Variants in JAK2 observed in about 807,000 individuals in gnomAD.
JAK2 encodes tyrosine-protein kinase JAK2.
JAK2 carries 86 observed loss-of-function variants against 139.3 expected under a neutral mutation model. That is an observed-to-expected ratio of 0.62 (90% CI 0.52 to 0.74). The LOEUF (loss-of-function observed/expected upper bound fraction) is 0.74. Ranked by LOEUF, JAK2 falls within the 30% of genes least tolerant of loss-of-function variation. JAK2 has a pLI of 0.00. For missense variants in JAK2, 1,421 were observed against 1,360.3 expected, an observed-to-expected ratio of 1.04 and a Z score of -0.70; for synonymous variants, 490 against 437.7, an observed-to-expected ratio of 1.12 and a Z score of -1.49.
At chr9:5,044,706 T>A (rs1191880457) in intron 5 of JAK2, among the ~76,000 whole-genome samples, 186 bp downstream of exon 5, 1 of 151,702 alleles carries the variant, frequency 6.6e-6, no homozygotes, top group African/African-American at 2.4e-5. Context: ...TTATGGATAA[T>A]AGAATCTATT....
intron 19 of JAK2, among the ~76,000 whole-genome samples, chr9:5,089,182 A>C (rs1481361396): frequency 1.3e-5 from 2 of 152,202 alleles, no homozygotes; most frequent in African/African-American, 4.8e-5. Flanking sequence ...TTACAGATTT[A>C]CTACCCACCT....
intron 2 of JAK2, among the ~76,000 whole-genome samples, chr9:4,998,463 G>T (rs538352481): frequency 4.5e-4 from 68 of 152,112 alleles, no homozygotes; most frequent in African/African-American, 1.4e-3. Flanking sequence ...CACCATGTTG[G>T]TCAGGCTGGT....
At chr9:5,103,699 G>C (rs1368724560) in intron 22 of JAK2, among the ~76,000 whole-genome samples, 1 of 152,080 alleles carries the variant, frequency 6.6e-6, no homozygotes, top group Non-Finnish European at 1.5e-5. Flanking sequence ...TAAAAGAACA[G>C]ATATCACAAC....
intron 22 of JAK2, among the ~76,000 whole-genome samples, chr9:5,103,066 G>A (rs1037389965): frequency 6.6e-6 from 1 of 151,508 alleles, no homozygotes; most frequent in Admixed American, 6.6e-5. Context: ...AATGTAAATG[G>A]GATGAATGCC....
At position 5,054,987 on chromosome 9, in the gene JAK2, A is replaced by G; in HGVS notation, c.936+103A>G. ...TGCAACATGGTATTGCACTTCTCCC[A>G]TTTGATAGAAGTGGAAGTTTTTAAT... is the stretch of plus-strand genomic sequence containing the variant. On this transcript the variant is annotated intron_variant, in intron 7 of 24. Transcript: ENST00000381652. This position sits in a 1 kb window ranked among gnomAD's most constrained non-coding sequence, Gnocchi z 4.9. The G allele has an allele frequency of 1.2e-6, 1 of 811,986 alleles. No homozygotes were observed. The highest frequency in any genetic ancestry group is 1.7e-5 in the African/African-American group (1 of 57,764). 50.3% of individuals were successfully genotyped at this position (811,986 alleles called of 1,614,324 possible).
At chr9:5,037,038 A>G (rs2130240184) in intron 4 of JAK2, among the ~76,000 whole-genome samples, 1 of 152,362 alleles carries the variant, frequency 6.6e-6, no homozygotes, top group Admixed American at 6.5e-5. Flanking sequence ...CCCATCAAAA[A>G]GTGGGCGAAG....
chr9:4,988,087 A>G (rs563823495), intron 2 of JAK2, among the ~76,000 whole-genome samples: 3 of 152,242 alleles, frequency 2.0e-5, no homozygotes, highest in South Asian at 4.1e-4. Flanking sequence ...CCTACCAATT[A>G]TTGTGCTGCC....
At chr9:5,037,535 T>G (rs893773549) in intron 4 of JAK2, among the ~76,000 whole-genome samples, 1 of 152,078 alleles carries the variant, frequency 6.6e-6, no homozygotes, top group Non-Finnish European at 1.5e-5. Context: ...CCATGAAAAA[T>G]GATGAGTTCA....
chr9:5,009,987 A>C (rs1004473000), intron 2 of JAK2, among the ~76,000 whole-genome samples: 21 of 152,174 alleles, frequency 1.4e-4, no homozygotes, highest in African/African-American at 5.1e-4. Context: ...TGCCGGGGCT[A>C]GTCTTGAGCT....
At chr9:5,046,716 T>C (rs950800900) in intron 5 of JAK2, among the ~76,000 whole-genome samples, 1 of 152,178 alleles carries the variant, frequency 6.6e-6, no homozygotes, top group Non-Finnish European at 1.5e-5. Flanking sequence ...ACCTACTTTT[T>C]TATACAGCTC....
intron 19 of JAK2, chr9:5,086,220 CGGTCG>C (rs2130649083): frequency 1.7e-6 from 1 of 600,576 alleles, no homozygotes. Flanking sequence ...CGCGAGGCCA[CGGTCG>C]GAGTCTGAAA....
Position 5,029,773 on chromosome 9 carries a change from T to C in JAK2, c.227-10T>C. On this transcript the variant is annotated splice_polypyrimidine_tract_variant and intron_variant, in intron 3 of 24. Transcript: ENST00000381652. The stretch of plus-strand genomic sequence containing the variant: ...ACCTTTAATAATTCCTTTCTCTGCT[T>C]CTTTTCTAGGTATCACACCTGTGTA... 6.2e-7 allele frequency: 1 copy of C among 1,600,458 alleles called. No individual in the cohort carries two copies. Among genetic ancestry groups the C allele is most frequent in the East Asian group, 2.2e-5 (1 of 44,598 alleles).
intron 8 of JAK2, among the ~76,000 whole-genome samples, chr9:5,058,883 G>GT (rs1010743174): frequency 2.0e-4 from 31 of 151,526 alleles, no homozygotes; most frequent in African/African-American, 3.9e-4. Context: ...TTTTAATCAG[G>GT]TTTTTTTTGC....
chr9:5,032,996 G>GA (rs1273553333), intron 4 of JAK2, among the ~76,000 whole-genome samples: 2 of 151,898 alleles, frequency 1.3e-5, no homozygotes, highest in Non-Finnish European at 2.9e-5. Context: ...TAAAAACCTT[G>GA]AAAAAAAATT....
intron 2 of JAK2, among the ~76,000 whole-genome samples, chr9:5,018,511 G>C (rs770138096): frequency 6.6e-6 from 1 of 151,980 alleles, no homozygotes; most frequent in Non-Finnish European, 1.5e-5. Flanking sequence ...TAATTCTTTT[G>C]TATTTTTCGT....
intron 4 of JAK2, among the ~76,000 whole-genome samples, chr9:5,042,295 G>A (rs1261453234): frequency 3.3e-5 from 5 of 151,474 alleles, no homozygotes; most frequent in African/African-American, 1.2e-4. Flanking sequence ...CCGCCACCGC[G>A]CCCGGCTAAT....
intron 15 of JAK2, 128 bp downstream of exon 15, chr9:5,077,708 T>C: frequency 1.9e-6 from 1 of 521,292 alleles, no homozygotes; most frequent in Non-Finnish European, 3.1e-6. Flanking sequence ...TAGTCTGTGT[T>C]AGGTGATAAA....
chr9:5,083,415 T>A (rs911806087), intron 19 of JAK2, among the ~76,000 whole-genome samples: 5 of 152,220 alleles, frequency 3.3e-5, no homozygotes, highest in Middle Eastern at 3.2e-3. Context: ...AGTACCATGT[T>A]AGTGTTGTCT....
At chr9:5,050,561 G>C (rs999616631) in intron 5 of JAK2, 125 bp from the exon 6 acceptor site, 1 of 961,672 alleles carries the variant, frequency 1.0e-6, no homozygotes, top group Non-Finnish European at 1.5e-6. Flanking sequence ...ATGAGCCACT[G>C]AGCCTGGCCA....
Sources: gnomAD v4.1 joint callset for allele counts (sites outside exome capture counted in the v4.1 genomes callset) on GRCh38, gnomAD v4.1.1 for gene constraint, Gnocchi (gnomAD v3.1) non-coding constraint, MANE v1.5 for transcripts, NCBI Gene and HGNC (gene_info 2026-07-23, HGNC 2026-07-21) for gene names.